Variants in ZNF618 observed in about 807,000 individuals in gnomAD.
ZNF618 encodes the protein zinc finger protein 618, also known as neural precursor cell expressed, developmentally down-regulated 10.
In ZNF618, 34 loss-of-function variants were observed where a neutral mutation model predicts 103.0. That is an observed-to-expected ratio of 0.33 (90% CI 0.25 to 0.44). The LOEUF (loss-of-function observed/expected upper bound fraction) is 0.44, where lower values mean the gene tolerates loss of function less well. Ranked by LOEUF, ZNF618 falls within the 20% of genes least tolerant of loss-of-function variation. The pLI is 1.00. For synonymous variants in ZNF618, 551 were observed against 542.2 expected (o/e 1.02, Z -0.23); for missense variants, 1,059 against 1,295.4 (o/e 0.82, Z 2.80).
At chr9:113,972,574 C>T (rs116537527) in intron 2 of ZNF618, among the ~76,000 whole-genome samples, 137 of 152,134 alleles carry the variant, frequency 9.0e-4, no homozygotes, top group African/African-American at 3.1e-3. Context: ...TCAGTTAACA[C>T]GTGTTACAGG....
chr9:113,966,647 A>G (rs552147985), intron 1 of ZNF618, among the ~76,000 whole-genome samples: 53 of 152,290 alleles, frequency 3.5e-4, no homozygotes, highest in African/African-American at 1.2e-3. Context: ...GGACTCGGCC[A>G]GGCCCACACG....
intron 1 of ZNF618, among the ~76,000 whole-genome samples, chr9:113,938,564 C>CTTTTCTTTTTTTTTTTTT (rs1564192158): frequency 1.3e-5 from 1 of 77,690 alleles, no homozygotes. Flanking sequence ...ATTATATTTT[C>CTTTTCTTTTTTTTTTTTT]TTTTTTTCTT....
At chr9:113,995,820 T>A (rs1192109215) in intron 3 of ZNF618, among the ~76,000 whole-genome samples, 6 of 152,144 alleles carry the variant, frequency 3.9e-5, no homozygotes, top group Admixed American at 6.5e-5. Flanking sequence ...GTCACCTCTT[T>A]GCTTGGAGCC....
At chr9:113,879,360 A>G (rs1473134200) in intron 1 of ZNF618, among the ~76,000 whole-genome samples, 1 of 87,458 alleles carries the variant, frequency 1.1e-5, no homozygotes, top group Non-Finnish European at 2.3e-5. Context: ...GTTGAAAATC[A>G]TTTCTGGTTT....
chr9:114,013,388 G>T (rs1260640697), intron 9 of ZNF618, among the ~76,000 whole-genome samples: 2 of 152,114 alleles, frequency 1.3e-5, no homozygotes, highest in Non-Finnish European at 2.9e-5. Context: ...AATTGCAGAA[G>T]GCAGATTATT....
At chr9:113,936,537 C>G (rs1834041668) in intron 1 of ZNF618, among the ~76,000 whole-genome samples, 1 of 152,206 alleles carries the variant, frequency 6.6e-6, no homozygotes, top group Non-Finnish European at 1.5e-5. Context: ...GCAGCATAGG[C>G]TGGGAATTGG....
intron 10 of ZNF618, among the ~76,000 whole-genome samples, chr9:114,023,127 A>T (rs114075600): frequency 3.6e-4 from 55 of 152,186 alleles, no homozygotes; most frequent in African/African-American, 1.3e-3. Flanking sequence ...TACATTTAAT[A>T]TACTATATTA....
chr9:114,023,043 A>G lies in ZNF618; in HGVS notation c.845-5690A>G, dbSNP rs193279263. Among the ~76,000 whole-genome samples the G allele has an allele frequency of 1.1e-4, 16 of 152,138 alleles. No individual in the cohort carries two copies. In the East Asian group the frequency reaches 1.5e-3, roughly 15 times the overall value. On this transcript the variant is annotated intron_variant, in intron 10 of 14. Coordinates refer to ENST00000374126, the MANE Select transcript of ZNF618 (RefSeq NM_001318042.2). ...TTATCTTTGTATTTGAAGTATGTAT[A>G]TATAGTTGGTTCTTATGCCTTTCTT...
At chr9:113,951,313 G>A (rs1835544948) in intron 1 of ZNF618, among the ~76,000 whole-genome samples, 1 of 147,410 alleles carries the variant, frequency 6.8e-6, no homozygotes, top group Non-Finnish European at 1.5e-5. Context: ...TTCTAGTTCA[G>A]TGTTTGACAT....
At chr9:113,907,169 C>G (rs1184603749) in intron 1 of ZNF618, among the ~76,000 whole-genome samples, 3 of 152,186 alleles carry the variant, frequency 2.0e-5, no homozygotes, top group Admixed American at 2.0e-4. Context: ...TTGGATGGCC[C>G]TGGGTTATTT....
chr9:114,002,596 C>T (rs1841348325), intron 5 of ZNF618, 28 bp from the exon 6 acceptor site: 10 of 1,592,114 alleles, frequency 6.3e-6, no homozygotes, highest in Non-Finnish European at 8.5e-6. Flanking sequence ...GTAGCCCCAC[C>T]CCCATCCCTC....
intron 1 of ZNF618, among the ~76,000 whole-genome samples, chr9:113,882,422 G>A (rs190872131): frequency 6.6e-6 from 1 of 152,166 alleles, no homozygotes; most frequent in Non-Finnish European, 1.5e-5. Flanking sequence ...ACTCTCAGCC[G>A]GTCTGAGGGC....
intron 6 of ZNF618, among the ~76,000 whole-genome samples, chr9:114,004,049 T>C (rs1841502086): frequency 6.6e-6 from 1 of 152,116 alleles, no homozygotes; most frequent in Non-Finnish European, 1.5e-5. Context: ...CAAAAAAAGA[T>C]TCTTAACATA....
At chr9:114,048,205 T>C (rs188627628) in intron 14 of ZNF618, among the ~76,000 whole-genome samples, 42 of 152,318 alleles carry the variant, frequency 2.8e-4, no homozygotes, top group Admixed American at 2.5e-3. Context: ...AGGTGACTTT[T>C]TTTGTGGTCA....
intron 3 of ZNF618, among the ~76,000 whole-genome samples, chr9:113,989,791 G>C (rs1426486791): frequency 1.3e-5 from 2 of 152,190 alleles, no homozygotes; most frequent in Non-Finnish European, 2.9e-5. Context: ...AACTCCCTTT[G>C]CCAGCTGTTC....
At chr9:113,912,520 C>G (rs553826633) in intron 1 of ZNF618, among the ~76,000 whole-genome samples, 2 of 152,196 alleles carry the variant, frequency 1.3e-5, no homozygotes, top group Non-Finnish European at 2.9e-5. Flanking sequence ...GCAGCAGGCA[C>G]AGCCTCCCCG....
chr9:113,925,968 T>G (rs1833051020), intron 1 of ZNF618, among the ~76,000 whole-genome samples: 1 of 152,172 alleles, frequency 6.6e-6, no homozygotes, highest in African/African-American at 2.4e-5. Context: ...TTTAACACTG[T>G]CCTTCTCTTT....
intron 1 of ZNF618, among the ~76,000 whole-genome samples, chr9:113,936,623 G>A (rs1834049501): frequency 6.6e-6 from 1 of 152,174 alleles, no homozygotes; most frequent in Non-Finnish European, 1.5e-5. Flanking sequence ...GTGTACTACA[G>A]TAAGAATAGT....
intron 1 of ZNF618, among the ~76,000 whole-genome samples, chr9:113,964,722 A>G (rs562015734): frequency 6.6e-6 from 1 of 151,942 alleles, no homozygotes; most frequent in Admixed American, 6.6e-5. Flanking sequence ...GAAAAAAAGA[A>G]AAGAGCAAAT....
Sources: gnomAD v4.1 joint callset for allele counts (sites outside exome capture counted in the v4.1 genomes callset) on GRCh38, gnomAD v4.1.1 for gene constraint, MANE v1.5 for transcripts, NCBI Gene and HGNC (gene_info 2026-07-23, HGNC 2026-07-21) for gene names.